Variants in FANCC observed in about 807,000 individuals in gnomAD.
FANCC encodes FA complementation group C.
Under a neutral mutation model 71.3 loss-of-function variants are expected in FANCC, and 55 were observed. That is an observed-to-expected ratio of 0.77 (90% CI 0.62 to 0.97). The LOEUF is 0.97. Among genes scored for constraint, FANCC ranks in the 50% least tolerant of loss-of-function variants. The probability of loss-of-function intolerance (pLI) is 0.00; values close to 1 mark genes in which losing one functional copy is unlikely to be tolerated. For synonymous variants in FANCC, 275 were observed against 244.9 expected (o/e 1.12, Z -1.15); for missense variants, 678 against 670.9 (o/e 1.01, Z -0.12).
intron 6 of FANCC, among the ~76,000 whole-genome samples, chr9:95,153,171 T>G (rs1267860835): frequency 6.6e-6 from 1 of 152,228 alleles, no homozygotes; most frequent in African/African-American, 2.4e-5. Flanking sequence ...TCCATTCAAG[T>G]TGCTGCAAAT....
rs2071011682 is a variant in FANCC, at chr9:95,099,516, G to C, written c.*2191C>G. On this transcript the variant is annotated 3_prime_UTR_variant, in exon 15 of 15. Transcript: ENST00000289081. Reference sequence around the variant, plus strand: ...TTGCCGAAATCGAAGGCAACAAGAGGGGGAGGTGGGCTTAAGAGTGCCTGC... The same window carrying C: ...TTGCCGAAATCGAAGGCAACAAGAGCGGGAGGTGGGCTTAAGAGTGCCTGC... 1 of 229,336 alleles carries C rather than the reference G, an allele frequency of 4.4e-6. No individual in the cohort carries two copies. Among genetic ancestry groups the C allele is most frequent in the Admixed American group, 5.7e-5 (1 of 17,572 alleles). 14.2% of individuals were successfully genotyped at this position (229,336 alleles called of 1,614,324 possible).
At chr9:95,269,823 C>T (rs900870019) in intron 1 of FANCC, among the ~76,000 whole-genome samples, 30 of 151,740 alleles carry the variant, frequency 2.0e-4, no homozygotes, top group Admixed American at 1.0e-3. Flanking sequence ...TAAGGTGGGA[C>T]GAGAGATTTG....
chr9:95,147,950 T>C (rs1406545293), intron 7 of FANCC, among the ~76,000 whole-genome samples: 1 of 152,166 alleles, frequency 6.6e-6, no homozygotes, highest in African/African-American at 2.4e-5. Flanking sequence ...GGTAGGGAAA[T>C]ACTTAAAGTA....
chr9:95,198,752 G>T (rs919553163), intron 4 of FANCC, among the ~76,000 whole-genome samples: 2 of 152,082 alleles, frequency 1.3e-5, no homozygotes, highest in Non-Finnish European at 2.9e-5. Flanking sequence ...GTGGGGGAGG[G>T]GAGACAGAGT....
At chr9:95,301,843 C>T (rs1834751423) in intron 1 of FANCC, among the ~76,000 whole-genome samples, 1 of 148,154 alleles carries the variant, frequency 6.7e-6, no homozygotes, top group Non-Finnish European at 1.5e-5. Flanking sequence ...TTTGGGAGGC[C>T]GAGGCAGGTG....
In FANCC at chr9:95,249,381, G is replaced by A. The variant is rs2136103133; in HGVS notation, c.-78-12C>T. On this transcript the variant is annotated splice_polypyrimidine_tract_variant and intron_variant, in intron 1 of 14. Coordinates refer to ENST00000289081, the MANE Select transcript of FANCC (RefSeq NM_000136.3). ...GGCACACATTAAATCTGTAAGAAAG[G>A]GAACAAATAGAAGCATTTCTAAAAG... 1 of 1,309,082 alleles carries A rather than the reference G, an allele frequency of 7.6e-7. No individual in the cohort carries two copies. Among genetic ancestry groups the A allele is most frequent in the Non-Finnish European group, 1.1e-6 (1 of 915,008 alleles). 81.1% of individuals were successfully genotyped at this position (1,309,082 alleles called of 1,614,324 possible).
At chr9:95,172,695 A>G (rs1825762193) in intron 4 of FANCC, among the ~76,000 whole-genome samples, 2 of 152,196 alleles carry the variant, frequency 1.3e-5, no homozygotes, top group African/African-American at 4.8e-5. Flanking sequence ...AACTATCTGT[A>G]AAAAGAAAAA....
chr9:95,186,832 C>T (rs1490543556), intron 4 of FANCC, among the ~76,000 whole-genome samples: 1 of 145,342 alleles, frequency 6.9e-6, no homozygotes, highest in Non-Finnish European at 1.5e-5. Flanking sequence ...CACTCTGTGG[C>T]CCAGGCTGGA....
At chr9:95,240,823 G>T in intron 3 of FANCC, 80 bp from the exon 4 acceptor site, 1 of 835,238 alleles carries the variant, frequency 1.2e-6, no homozygotes, top group Non-Finnish European at 2.0e-6. Context: ...TTATATTTAG[G>T]AAAATCTCAA....
At chr9:95,269,257 T>C (rs1021251809) in intron 1 of FANCC, among the ~76,000 whole-genome samples, 2 of 152,200 alleles carry the variant, frequency 1.3e-5, no homozygotes, top group African/African-American at 2.4e-5. Flanking sequence ...AGAAAACCTC[T>C]AGGGGAGCAG....
chr9:95,271,968 G>A (rs1326809244), intron 1 of FANCC, among the ~76,000 whole-genome samples: 2 of 67,294 alleles, frequency 3.0e-5, no homozygotes, highest in Non-Finnish European at 5.5e-5. Flanking sequence ...ATGGAGTCTC[G>A]CTCTGTCGCC....
In FANCC at chr9:95,103,234, G is replaced by C. The variant is rs568820630; in HGVS notation, c.1534-1384C>G. Among the ~76,000 whole-genome samples the C allele has an allele frequency of 3.9e-5, 6 of 152,082 alleles. No individual in the cohort carries two copies. In the South Asian group the frequency reaches 1.0e-3, roughly 26 times the overall value. Reference sequence around the variant, plus strand: ...GAGTTGTCATTACAAATCCAACCTTGCATCTTCCTTACACACCAACACTCC... The same window carrying C: ...GAGTTGTCATTACAAATCCAACCTTCCATCTTCCTTACACACCAACACTCC... On this transcript the variant is annotated intron_variant, in intron 14 of 14. Transcript: ENST00000289081.
chr9:95,263,700 C>T (rs990642576), intron 1 of FANCC, among the ~76,000 whole-genome samples: 4 of 152,108 alleles, frequency 2.6e-5, no homozygotes, highest in Non-Finnish European at 4.4e-5. Context: ...TGAGCGAATG[C>T]GAGTCGAAAA....
intron 1 of FANCC, among the ~76,000 whole-genome samples, chr9:95,304,803 T>C (rs1834979779): frequency 7.0e-6 from 1 of 142,778 alleles, no homozygotes; most frequent in African/African-American, 2.6e-5. Context: ...AAGGCAGAGG[T>C]GAAGGCAATA....
chr9:95,165,215 C>T (rs1564713482), intron 6 of FANCC, among the ~76,000 whole-genome samples: 1 of 151,606 alleles, frequency 6.6e-6, no homozygotes, highest in South Asian at 2.1e-4. Flanking sequence ...TACAAAAACC[C>T]AACTCTTAGT....
chr9:95,166,664 G>GATTCAACTAAATCATGGATCAA (rs1197817746), intron 6 of FANCC, among the ~76,000 whole-genome samples: 1 of 152,056 alleles, frequency 6.6e-6, no homozygotes, highest in Non-Finnish European at 1.5e-5. Flanking sequence ...TGTATCCATG[G>GATTCAACTAAATCATGGATCAA]ATTCAACTAA....
chr9:95,294,503 G>A, intron 1 of FANCC: 1 of 1,582,304 alleles, frequency 6.3e-7, no homozygotes, highest in Non-Finnish European at 8.7e-7. Context: ...CCTCTGGGAA[G>A]TATTCTGAAA....
chr9:95,102,867 C>T (rs935644681), intron 14 of FANCC, among the ~76,000 whole-genome samples: 1 of 152,236 alleles, frequency 6.6e-6, no homozygotes, highest in Non-Finnish European at 1.5e-5. Context: ...GTTCGCTCTC[C>T]TCGGCCCCCC....
intron 6 of FANCC, among the ~76,000 whole-genome samples, chr9:95,162,083 C>A (rs1830783695): frequency 6.6e-6 from 1 of 152,196 alleles, no homozygotes; most frequent in South Asian, 2.1e-4. Context: ...CTCCGGTGAT[C>A]CGCCTGCCTT....
Sources: allele counts gnomAD v4.1 joint callset (sites outside exome capture counted in the v4.1 genomes callset), GRCh38; gene constraint gnomAD v4.1.1; transcripts MANE v1.5; gene names NCBI Gene and HGNC (gene_info 2026-07-23, HGNC 2026-07-21).